Variants in FAM169A observed in about 807,000 individuals in gnomAD.
FAM169A encodes soluble lamin-associated protein of 75 kDa.
Under a neutral mutation model 75.7 loss-of-function variants are expected in FAM169A, and 24 were observed. The ratio of observed to expected loss-of-function variants is 0.32; its 90% CI spans 0.23 to 0.45. FAM169A has a LOEUF of 0.45. FAM169A is among the 20% of genes least tolerant of loss of function. FAM169A has a pLI of 1.00. For missense variants in FAM169A, 673 were observed against 784.0 expected (o/e 0.86, Z 1.69); for synonymous variants, 271 against 271.0 (o/e 1.00, Z 0.00).
At chr5:74,817,603 C>T (rs903449570) in intron 5 of FAM169A, among the ~76,000 whole-genome samples, 1 of 152,068 alleles carries the variant, frequency 6.6e-6, no homozygotes, top group African/African-American at 2.4e-5. Context: ...GTCCATATTT[C>T]CCAATACAAC....
chr5:74,791,219 C>A (rs1192411397), intron 11 of FAM169A, among the ~76,000 whole-genome samples: 1 of 152,140 alleles, frequency 6.6e-6, no homozygotes, highest in Non-Finnish European at 1.5e-5. Flanking sequence ...AGCAGGGCTG[C>A]GGCAAAGGTC....
chr5:74,826,464 CTTTTTT>C (rs1748032876), intron 5 of FAM169A, among the ~76,000 whole-genome samples: 2 of 152,036 alleles, frequency 1.3e-5, no homozygotes, highest in Non-Finnish European at 2.9e-5. Context: ...TTTTTAGTTT[CTTTTTT>C]CTTTTGGCCT....
intron 5 of FAM169A, among the ~76,000 whole-genome samples, chr5:74,832,764 C>T (rs1361904498): frequency 6.6e-6 from 1 of 151,440 alleles, no homozygotes; most frequent in African/African-American, 2.4e-5. Context: ...TTTAGGTTTC[C>T]TTTGTAGAAA....
upstream of FAM169A, chr5:74,866,571 G>C (rs1209127241): frequency 1.9e-6 from 1 of 520,740 alleles, no homozygotes; most frequent in Admixed American, 6.4e-5. Context: ...GCGTCACGCG[G>C]CCCCCGCCTC....
intron 5 of FAM169A, among the ~76,000 whole-genome samples, chr5:74,828,833 T>A (rs780974348): frequency 5.9e-5 from 9 of 152,162 alleles, no homozygotes; most frequent in Non-Finnish European, 1.2e-4. Context: ...TCTGGTGGTG[T>A]TTGCAAGAGA....
chr5:74,778,718 AAATACT>A lies in FAM169A; in HGVS notation c.*2736_*2741del, dbSNP rs1208922291. 3 of 152,100 alleles carry A rather than the reference AAATACT, an allele frequency of 2.0e-5. No individual in the cohort carries two copies. In the East Asian group the frequency reaches 5.8e-4, roughly 29 times the overall value. 9.4% of individuals were successfully genotyped at this position (152,100 alleles called of 1,614,324 possible). On this transcript the variant is annotated 3_prime_UTR_variant, in exon 13 of 13. Transcript: ENST00000687041. ...GAATAATTTAAACTTGAAAGAACTA[AAATACT>A]AATAACCATCTGCTTTATATTACAC...
chr5:74,816,117 C>G (rs899327181), intron 5 of FAM169A, among the ~76,000 whole-genome samples: 1 of 152,146 alleles, frequency 6.6e-6, no homozygotes, highest in Non-Finnish European at 1.5e-5. Context: ...AACAAGCTAA[C>G]GCAACCACTA....
intron 5 of FAM169A, 84 bp from the exon 6 acceptor site, chr5:74,814,103 TAA>T (rs1040214351): frequency 3.2e-5 from 37 of 1,166,010 alleles, no homozygotes; most frequent in Non-Finnish European, 4.0e-5. Flanking sequence ...ACAGTCTTTC[TAA>T]AAAAAGTTTT....
rs138094632 is a variant in FAM169A at position 74,779,343 on chromosome 5, A to G, written c.*2117T>C. 3 of 152,298 alleles carry G rather than the reference A, an allele frequency of 2.0e-5. No homozygotes were observed. Among genetic ancestry groups the G allele is most frequent in the African/African-American group, 7.2e-5 (3 of 41,586 alleles). 9.4% of individuals were successfully genotyped at this position (152,298 alleles called of 1,614,324 possible). On this transcript the variant is annotated 3_prime_UTR_variant, in exon 13 of 13. Coordinates refer to ENST00000687041, the MANE Select transcript of FAM169A (RefSeq NM_001376049.1). ...TCGGCAGCACATATACTAAAATTAG[A>G]ACAATACAGGGAAAATTAGCATGGC...
At chr5:74,828,126 T>C (rs1308208773) in intron 5 of FAM169A, among the ~76,000 whole-genome samples, 3 of 152,226 alleles carry the variant, frequency 2.0e-5, no homozygotes, top group Non-Finnish European at 2.9e-5. Context: ...CCCTTCGTTA[T>C]AGCAATGTAA....
chr5:74,781,554 A>G lies in FAM169A; in HGVS notation c.1919T>C (p.Ile640Thr), dbSNP rs1287990478. 2.5e-6 allele frequency: 4 copies of G among 1,613,848 alleles called. No homozygotes were observed. Among genetic ancestry groups the G allele is most frequent in the East Asian group, 4.5e-5 (2 of 44,862 alleles). Residue 640 changes from isoleucine (I) to threonine (T), a missense_variant, in exon 13 of 13, where the codon ATA becomes ACA. Around this residue, in one of 3 missense-constraint regions of FAM169A, gnomAD observed 510 missense variants for 550.9 expected, o/e 0.93. Coordinates refer to ENST00000687041, the MANE Select transcript of FAM169A (RefSeq NM_001376049.1). ...GTCTACCACAGGCACTTCCACTTCT[A>G]TTTCCTCTGAGCTGCTATCCACAGC... ...EKAVDSSSEE[I>T]EVEVPVVDRR...
chr5:74,804,502 C>T lies in FAM169A; in HGVS notation c.903G>A (p.Met301Ile), dbSNP rs773430873. 7 of 1,578,028 alleles carry T rather than the reference C, an allele frequency of 4.4e-6. No homozygotes were observed. In the South Asian group the frequency reaches 8.1e-5, roughly 18 times the overall value. ...ARTEDNQSSEMQLTIDSLKDA... is the reference protein window; with the variant it reads ...ARTEDNQSSEIQLTIDSLKDA... ...TAGACAGTGTACCTACAGTTAGCTGCATCTCACTAGACTGATTGTCTTCAG... is the reference window on the plus strand; with the variant it reads ...TAGACAGTGTACCTACAGTTAGCTGTATCTCACTAGACTGATTGTCTTCAG... The change falls in exon 8 of 13, where the codon ATG becomes ATA. Residue 301 changes from methionine to isoleucine, a missense_variant. By Grantham distance (10) the Met-to-Ile change is conservative (BLOSUM62 1). Coordinates refer to ENST00000687041, the MANE Select transcript of FAM169A (RefSeq NM_001376049.1).
intron 3 of FAM169A, 33 bp from the exon 4 acceptor site, chr5:74,839,083 G>A (rs1748717394): frequency 6.7e-7 from 1 of 1,492,900 alleles, no homozygotes; most frequent in Non-Finnish European, 9.3e-7. Context: ...TAACACTTGA[G>A]TTTTAAAGTA....
At chr5:74,854,922 G>A (rs1358368119) in intron 1 of FAM169A, among the ~76,000 whole-genome samples, 1 of 152,202 alleles carries the variant, frequency 6.6e-6, no homozygotes, top group African/African-American at 2.4e-5. Flanking sequence ...AAACACGGGA[G>A]TGCAGAAATC....
At chr5:74,792,171 T>C (rs1746011591) in intron 11 of FAM169A, among the ~76,000 whole-genome samples, 1 of 152,186 alleles carries the variant, frequency 6.6e-6, no homozygotes, top group African/African-American at 2.4e-5. Flanking sequence ...AGCAAGTGTG[T>C]ATGGGTTCAG....
chr5:74,793,154 G>A (rs947439919), intron 11 of FAM169A, among the ~76,000 whole-genome samples: 11 of 152,070 alleles, frequency 7.2e-5, no homozygotes, highest in South Asian at 4.2e-4. Flanking sequence ...GTGAAACCCC[G>A]TCTCTACTAC....
chr5:74,829,844 G>A (rs370469732), intron 5 of FAM169A, among the ~76,000 whole-genome samples: 75 of 152,126 alleles, frequency 4.9e-4, no homozygotes, highest in African/African-American at 1.4e-3. Flanking sequence ...GTAATGGCAC[G>A]TGCCTGTAAC....
intron 9 of FAM169A, 48 bp downstream of exon 9, chr5:74,801,542 A>G: frequency 1.4e-6 from 2 of 1,440,492 alleles, no homozygotes; most frequent in Middle Eastern, 1.7e-4. Context: ...CACAGCCCTA[A>G]TTTGAAGTGT....
intron 1 of FAM169A, among the ~76,000 whole-genome samples, chr5:74,847,957 CCT>C (rs1749245399): frequency 1.3e-5 from 2 of 151,974 alleles, no homozygotes; most frequent in African/African-American, 4.8e-5. Flanking sequence ...GGGAGAAACC[CCT>C]TAGTTAAATG....
Sources: allele counts gnomAD v4.1 joint callset (sites outside exome capture counted in the v4.1 genomes callset), GRCh38; gene constraint gnomAD v4.1.1; regional missense constraint gnomAD v4.1.1; transcripts MANE v1.5; gene names NCBI Gene and HGNC (gene_info 2026-07-23, HGNC 2026-07-21).